PCDHGA8: variants seen among roughly 807,000 people sequenced by gnomAD.
PCDHGA8 encodes the protein protocadherin gamma-A8.
In PCDHGA8, 45 loss-of-function variants were observed where a neutral mutation model predicts 59.2. That is an observed-to-expected ratio of 0.76 (90% CI 0.60 to 0.98). The LOEUF (loss-of-function observed/expected upper bound fraction) is 0.98. Among genes scored for constraint, PCDHGA8 ranks in the 50% least tolerant of loss-of-function variants. PCDHGA8 has a pLI of 0.00. For missense variants in PCDHGA8, 1,257 were observed against 1,196.2 expected (o/e 1.05, Z -0.75); for synonymous variants, 531 against 519.0 (o/e 1.02, Z -0.32).
At chr5:141,421,060 A>C (rs1394861719) in intron 1 of PCDHGA8, 3 of 579,718 alleles carry the variant, frequency 5.2e-6, no homozygotes, top group Non-Finnish European at 8.8e-6. Context: ...TACCACACAA[A>C]GCGGAATGAG....
intron 1 of PCDHGA8, chr5:141,410,044 C>G: frequency 6.2e-7 from 1 of 1,613,184 alleles, no homozygotes; most frequent in Non-Finnish European, 8.5e-7. Flanking sequence ...CCAGTGAGCC[C>G]GGACTCTTCA....
At chr5:141,443,199 G>C (rs936013020) in intron 1 of PCDHGA8, among the ~76,000 whole-genome samples, 1 of 152,002 alleles carries the variant, frequency 6.6e-6, no homozygotes. Context: ...ATAGTACAAA[G>C]AGCTTGTCTC....
At position 141,480,524 on chromosome 5, in the gene PCDHGA8, AAAG is replaced by A. The variant is rs1342230573; in HGVS notation, c.2425-14282_2425-14280del. Among the ~76,000 whole-genome samples, 4 of 127,792 alleles carry A rather than the reference AAAG, an allele frequency of 3.1e-5. No homozygotes were observed. The East Asian group carries it at 7.7e-4, about 25-fold the overall frequency. 83.8% of individuals were successfully genotyped at this position (127,792 alleles called of 152,430 possible). On this transcript the variant is annotated intron_variant, in intron 1 of 3. Transcript: ENST00000398604. Reference sequence around the variant, plus strand: ...ACATATGAGAACAACCAAAAATGACAAAGTAGAAGCACATATGAAAAGGCTAAG... The same window carrying A: ...ACATATGAGAACAACCAAAAATGACATAGAAGCACATATGAAAAGGCTAAG...
rs370190281 is a variant in PCDHGA8, at chr5:141,401,943, A to G, written c.2424+6706A>G. Among the ~76,000 whole-genome samples the G allele has an allele frequency of 3.9e-5, 6 of 152,312 alleles. No homozygotes were observed. In the South Asian group the frequency reaches 1.0e-3, roughly 26 times the overall value. On this transcript the variant is annotated intron_variant, in intron 1 of 3. Coordinates refer to ENST00000398604, the MANE Select transcript of PCDHGA8 (RefSeq NM_032088.2). ...AGTGATGCTTAGAATAATGTTTAAG[A>G]CCACTTTAAAATTGCATAATTTATT...
At chr5:141,408,266 C>G in intron 1 of PCDHGA8, 1 of 1,608,708 alleles carries the variant, frequency 6.2e-7, no homozygotes, top group Non-Finnish European at 8.5e-7. Flanking sequence ...TCCTTTGCTG[C>G]TGCCTTTGTT....
intron 1 of PCDHGA8, chr5:141,468,662 C>G (rs1381049343): frequency 6.6e-6 from 1 of 150,534 alleles, no homozygotes; most frequent in East Asian, 2.0e-4. Context: ...GTCAGGAGAT[C>G]AAGACCATCC....
chr5:141,415,649 A>G (rs1179309556), intron 1 of PCDHGA8: 1 of 1,597,606 alleles, frequency 6.3e-7, no homozygotes, highest in Non-Finnish European at 8.5e-7. Context: ...GTTAAAAAAA[A>G]AAAGATTGGT....
At chr5:141,501,198 G>C (rs2299024) in intron 2 of PCDHGA8, among the ~76,000 whole-genome samples, 89,086 of 151,686 alleles carry the variant, frequency 0.59, 27,759 homozygotes, top group African/African-American at 0.8. Context: ...TAAATTCAGG[G>C]TGTTGTCAGG....
At chr5:141,441,718 C>A in intron 1 of PCDHGA8, 1 of 344,940 alleles carries the variant, frequency 2.9e-6, no homozygotes, top group Non-Finnish European at 5.7e-6. Flanking sequence ...ACGCTGCAGG[C>A]CCGCGACCAG....
At chr5:141,405,203 C>A in intron 1 of PCDHGA8, 2 of 1,613,520 alleles carry the variant, frequency 1.2e-6, no homozygotes, top group Non-Finnish European at 1.7e-6. Flanking sequence ...AGCTTTCCTA[C>A]AGACCTATTC....
intron 1 of PCDHGA8, chr5:141,426,679 T>A (rs1008777231): frequency 9.3e-6 from 4 of 431,308 alleles, no homozygotes; most frequent in African/African-American, 2.0e-5. Context: ...CCACCTCATT[T>A]TCCCCAAAAT....
intron 1 of PCDHGA8, chr5:141,399,294 G>T (rs781668632): frequency 6.2e-7 from 1 of 1,613,914 alleles, no homozygotes; most frequent in South Asian, 1.1e-5. Flanking sequence ...TCCCTTTTAA[G>T]ATTATCTCTT....
At chr5:141,441,398 G>A (rs1257981333) in intron 1 of PCDHGA8, 1 of 154,848 alleles carries the variant, frequency 6.5e-6, no homozygotes, top group Non-Finnish European at 1.4e-5. Context: ...TATAACATCA[G>A]CATCACTGCC....
At chr5:141,429,599 A>G (rs2097227286) in intron 1 of PCDHGA8, among the ~76,000 whole-genome samples, 1 of 152,238 alleles carries the variant, frequency 6.6e-6, no homozygotes, top group Non-Finnish European at 1.5e-5. Flanking sequence ...TAATTCAAGT[A>G]AACTCAATTT....
chr5:141,451,789 G>A (rs2098724524), intron 1 of PCDHGA8, among the ~76,000 whole-genome samples: 1 of 152,074 alleles, frequency 6.6e-6, no homozygotes, highest in South Asian at 2.1e-4. Flanking sequence ...GCTGAGGCCA[G>A]AGAATTGCTT....
intron 1 of PCDHGA8, chr5:141,430,641 T>G: frequency 1.1e-6 from 1 of 902,670 alleles, no homozygotes. Context: ...TCCCTGGGAG[T>G]ATGTGGAAAC....
chr5:141,471,977 A>G (rs1487329441), intron 1 of PCDHGA8, among the ~76,000 whole-genome samples: 1 of 152,212 alleles, frequency 6.6e-6, no homozygotes, highest in Non-Finnish European at 1.5e-5. Context: ...ATTACTGTAT[A>G]AATTTATTAA....
chr5:141,454,860 T>G (rs62379170), intron 1 of PCDHGA8, among the ~76,000 whole-genome samples: 5,850 of 133,200 alleles, frequency 0.044, 153 homozygotes, highest in Middle Eastern at 0.11. Context: ...CAGGCTGGAG[T>G]GCAGTGGCAC....
intron 1 of PCDHGA8, chr5:141,412,884 G>A: frequency 3.2e-6 from 1 of 311,540 alleles, no homozygotes. Flanking sequence ...TAATCCAACA[G>A]AATAGTTTAC....
Sources: allele counts gnomAD v4.1 joint callset (sites outside exome capture counted in the v4.1 genomes callset), GRCh38; gene constraint gnomAD v4.1.1; transcripts MANE v1.5; gene names NCBI Gene and HGNC (gene_info 2026-07-23, HGNC 2026-07-21).